XPR1: variants seen among roughly 807,000 people sequenced by gnomAD.
The protein encoded by XPR1 is xenotropic and polytropic retrovirus receptor 1, also known as solute carrier family 53 member 1.
XPR1 carries 28 observed loss-of-function variants against 87.5 expected under a neutral mutation model. The observed-to-expected ratio is 0.32, with a 90% CI of 0.24 to 0.44. The LOEUF is 0.44. XPR1 is among the 20% of genes least tolerant of loss of function. The probability of loss-of-function intolerance (pLI) is 1.00; values close to 1 mark genes in which losing one functional copy is unlikely to be tolerated. For missense variants in XPR1, 559 were observed against 862.3 expected, an observed-to-expected ratio of 0.65 and a Z score of 4.41; for synonymous variants, 300 against 306.1, an observed-to-expected ratio of 0.98 and a Z score of 0.21.
chr1:180,850,615 T>C (rs1480039077), intron 11 of XPR1, among the ~76,000 whole-genome samples: 1 of 152,202 alleles, frequency 6.6e-6, no homozygotes, highest in South Asian at 2.1e-4. Context: ...CATATGTATG[T>C]ACTACCTGAA....
At chr1:180,770,520 C>G (rs74135821) in intron 2 of XPR1, among the ~76,000 whole-genome samples, 1 of 152,226 alleles carries the variant, frequency 6.6e-6, no homozygotes, top group African/African-American at 2.4e-5. Flanking sequence ...GGGATTAAGT[C>G]TTCAAGATAT....
chr1:180,880,252 A>G lies in XPR1; in HGVS notation c.1985A>G (p.Lys662Arg). The G allele has an allele frequency of 6.2e-7, 1 of 1,614,228 alleles. No individual in the cohort carries two copies. The highest frequency in any genetic ancestry group is 8.5e-7 in the Non-Finnish European group (1 of 1,180,040). ...VRNRQKNRSW[K>R]YNQSISLRRP... is the part of the protein sequence containing the mutation. ...AACCGCCAGAAGAATCGGTCATGGA[A>G]GTACAACCAGAGCATATCCCTGCGC... Residue 662 changes from lysine (K) to arginine (R), a missense_variant, in exon 14 of 15, where the codon AAG becomes AGG. Lys to Arg is a conservative substitution (Grantham distance 26, BLOSUM62 2). Coordinates refer to ENST00000367590, the MANE Select transcript of XPR1 (RefSeq NM_004736.4).
intron 2 of XPR1, among the ~76,000 whole-genome samples, chr1:180,691,594 T>C (rs560059720): frequency 6.6e-6 from 1 of 152,296 alleles, no homozygotes; most frequent in African/African-American, 2.4e-5. Flanking sequence ...TGCCATTTCT[T>C]CTTTAGTCTC....
At chr1:180,676,552 G>A (rs1052356098) in intron 1 of XPR1, among the ~76,000 whole-genome samples, 14 of 152,008 alleles carry the variant, frequency 9.2e-5, no homozygotes, top group Non-Finnish European at 1.9e-4. Flanking sequence ...TCCTATTGAA[G>A]AACCAAAATA....
chr1:180,740,611 G>T (rs1658885511), intron 2 of XPR1, among the ~76,000 whole-genome samples: 2 of 152,132 alleles, frequency 1.3e-5, no homozygotes, highest in African/African-American at 4.8e-5. Context: ...ATATTGGTCT[G>T]TAGTTTCCTT....
At chr1:180,843,284 T>TA (rs200846178) in intron 11 of XPR1, among the ~76,000 whole-genome samples, 218 of 148,992 alleles carry the variant, frequency 1.5e-3, no homozygotes, top group African/African-American at 4.5e-3. Flanking sequence ...TCATTAACTT[T>TA]AAAAAAAAAA....
In XPR1 at chr1:180,889,451, A is replaced by G. The variant is rs1253257956; in HGVS notation, c.*5385A>G. 2.0e-5 allele frequency: 3 copies of G among 152,264 alleles called. No individual in the cohort carries two copies. Among genetic ancestry groups the G allele is most frequent in the African/African-American group, 7.2e-5 (3 of 41,476 alleles). 9.4% of individuals were successfully genotyped at this position (152,264 alleles called of 1,614,324 possible). A position where few individuals can be genotyped will look rare whatever the true frequency, so the allele number is the denominator to read the frequency against. On this transcript the variant is annotated 3_prime_UTR_variant, in exon 15 of 15. Transcript: ENST00000367590. ...CTAGAAAGTTGTGGACTTCTAAGAAAGAGCCAGGCTTCCATCTCACTATCC... is the reference window on the plus strand; with the variant it reads ...CTAGAAAGTTGTGGACTTCTAAGAAGGAGCCAGGCTTCCATCTCACTATCC...
chr1:180,667,139 T>A (rs1212905681), intron 1 of XPR1, among the ~76,000 whole-genome samples: 1 of 152,240 alleles, frequency 6.6e-6, no homozygotes, highest in Non-Finnish European at 1.5e-5. Flanking sequence ...GGTCTCAAAC[T>A]CCTGAACTCA....
intron 10 of XPR1, among the ~76,000 whole-genome samples, chr1:180,835,666 C>G (rs542069953): frequency 7.2e-5 from 11 of 152,248 alleles, no homozygotes; most frequent in African/African-American, 2.4e-4. Flanking sequence ...GTAGGTTGAT[C>G]ACACTCAATT....
rs1380642503 is a variant in XPR1 at position 180,889,241 on chromosome 1, C to T, written c.*5175C>T. 1.3e-5 allele frequency: 2 copies of T among 152,180 alleles called. 1 individual carries two copies. The highest frequency in any genetic ancestry group is 2.9e-5 in the Non-Finnish European group (2 of 68,024). The allele number at this position is 152,180 out of a possible 1,614,324, so 9.4% of individuals were successfully genotyped here. On this transcript the variant is annotated 3_prime_UTR_variant, in exon 15 of 15. Coordinates refer to ENST00000367590, the MANE Select transcript of XPR1 (RefSeq NM_004736.4). ...GCCACCCTCAGTTTTTTGTATGGTG[C>T]CATCAACCTAAGGAGGACAATCAAA...
intron 1 of XPR1, among the ~76,000 whole-genome samples, chr1:180,639,510 A>G (rs1654898367): frequency 6.6e-6 from 1 of 152,204 alleles, no homozygotes; most frequent in Non-Finnish European, 1.5e-5. Context: ...ATCCAGTTCT[A>G]TCATTGACTA....
At chr1:180,773,183 G>T (rs1648586222) in intron 2 of XPR1, among the ~76,000 whole-genome samples, 1 of 152,138 alleles carries the variant, frequency 6.6e-6, no homozygotes, top group Non-Finnish European at 1.5e-5. Context: ...CAGATGACTA[G>T]GGAGAAAATG....
At chr1:180,664,723 G>A (rs1180286392) in intron 1 of XPR1, among the ~76,000 whole-genome samples, 2 of 152,198 alleles carry the variant, frequency 1.3e-5, no homozygotes, top group East Asian at 1.9e-4. Flanking sequence ...CTGCCTAAGA[G>A]TTGCAGTCCT....
At chr1:180,841,758 T>C (rs1388863093) in intron 11 of XPR1, among the ~76,000 whole-genome samples, 2 of 152,158 alleles carry the variant, frequency 1.3e-5, no homozygotes, top group Non-Finnish European at 2.9e-5. Flanking sequence ...ACTTTTTAGA[T>C]GGACCATTGG....
rs147768320 is a variant in XPR1 at position 180,724,102 on chromosome 1, A to G, written c.121+41691A>G. ...AAAAAAATGAGTAAGCTATGGTCCT[A>G]TAGGGGAGAGAATAGATTAGAATAC... On this transcript the variant is annotated intron_variant, in intron 2 of 14. Transcript: ENST00000367590. Among the ~76,000 whole-genome samples, 603 of 152,324 alleles carry G rather than the reference A, an allele frequency of 4.0e-3. 4 individuals are homozygous for G. Among genetic ancestry groups the G allele is most frequent in the African/African-American group, 0.014 (571 of 41,572 alleles).
At chr1:180,802,717 C>T (rs1319465255) in intron 3 of XPR1, among the ~76,000 whole-genome samples, 1 of 152,188 alleles carries the variant, frequency 6.6e-6, no homozygotes, top group East Asian at 1.9e-4. Context: ...AAGCAGTAAT[C>T]TACTTTCTTT....
intron 11 of XPR1, among the ~76,000 whole-genome samples, chr1:180,858,735 A>C (rs1235918608): frequency 6.6e-6 from 1 of 152,130 alleles, no homozygotes; most frequent in Admixed American, 6.5e-5. Flanking sequence ...TATCTCCCTC[A>C]ACTTCAGTTT....
intron 1 of XPR1, among the ~76,000 whole-genome samples, chr1:180,670,299 G>T (rs12141176): frequency 0.31 from 47,153 of 151,578 alleles, 8,046 homozygotes; most frequent in Non-Finnish European, 0.38. Flanking sequence ...GATTTTTTTG[G>T]CCCTTATTTC....
chr1:180,713,947 GTAT>G (rs1045754377), intron 2 of XPR1, among the ~76,000 whole-genome samples: 7 of 151,964 alleles, frequency 4.6e-5, no homozygotes, highest in South Asian at 2.1e-4. Flanking sequence ...TATATATCTG[GTAT>G]TATTCTTTTT....
Sources: allele counts gnomAD v4.1 joint callset (sites outside exome capture counted in the v4.1 genomes callset), GRCh38; gene constraint gnomAD v4.1.1; transcripts MANE v1.5; gene names NCBI Gene and HGNC (gene_info 2026-07-23, HGNC 2026-07-21).